The following ZNF804B variants were observed in gnomAD, a reference collection of about 807,000 sequenced individuals.
ZNF804B encodes zinc finger protein 804B.
In ZNF804B, 80 loss-of-function variants were observed where a neutral mutation model predicts 101.4. That is an observed-to-expected ratio of 0.79 (90% confidence interval 0.66 to 0.95). ZNF804B has a LOEUF of 0.95. ZNF804B is among the 40% of genes least tolerant of loss of function. The pLI, the probability that ZNF804B is intolerant of heterozygous loss-of-function variation, is 0.00. For missense variants in ZNF804B, 1,673 were observed against 1,561.9 expected (o/e 1.07, Z -1.20); for synonymous variants, 622 against 558.8 (o/e 1.11, Z -1.59).
intron 1 of ZNF804B, among the ~76,000 whole-genome samples, chr7:89,193,376 C>T (rs1584044070): frequency 1.3e-5 from 2 of 150,748 alleles, no homozygotes; most frequent in Non-Finnish European, 3.0e-5. Flanking sequence ...GTTAGTTACA[C>T]ATGTATACAT....
At chr7:89,276,910 A>G (rs1789989588) in intron 2 of ZNF804B, among the ~76,000 whole-genome samples, 3 of 151,620 alleles carry the variant, frequency 2.0e-5, no homozygotes, top group Admixed American at 2.0e-4. Context: ...AGTGTTCACA[A>G]GTTGTTTTTT....
At chr7:88,920,629 G>C (rs898866406) in intron 1 of ZNF804B, among the ~76,000 whole-genome samples, 1 of 151,836 alleles carries the variant, frequency 6.6e-6, no homozygotes, top group Non-Finnish European at 1.5e-5. Context: ...CTTAGCAGAA[G>C]GGGTGTGGCA....
At chr7:89,202,710 C>T (rs1482623110) in intron 1 of ZNF804B, among the ~76,000 whole-genome samples, 1 of 152,034 alleles carries the variant, frequency 6.6e-6, no homozygotes, top group Non-Finnish European at 1.5e-5. Context: ...ATTGCTCTGC[C>T]ATTGGTCTCA....
At chr7:89,108,609 G>T (rs577768833) in intron 1 of ZNF804B, among the ~76,000 whole-genome samples, 5 of 152,084 alleles carry the variant, frequency 3.3e-5, no homozygotes, top group Non-Finnish European at 7.3e-5. Context: ...CACGTTTAAT[G>T]GTCTCTCTGA....
intron 1 of ZNF804B, among the ~76,000 whole-genome samples, chr7:88,991,129 A>C (rs1053914090): frequency 2.6e-5 from 4 of 152,166 alleles, no homozygotes; most frequent in Non-Finnish European, 5.9e-5. Flanking sequence ...TACTACTTTT[A>C]GGTACAGAGG....
intron 1 of ZNF804B, among the ~76,000 whole-genome samples, chr7:89,155,682 T>C (rs1248553185): frequency 6.6e-6 from 1 of 152,216 alleles, no homozygotes; most frequent in Non-Finnish European, 1.5e-5. Context: ...AGTTTGAACT[T>C]CAAGCACCCT....
chr7:89,156,111 C>CTCTTTCCT (rs978033334), intron 1 of ZNF804B, among the ~76,000 whole-genome samples: 6 of 128,324 alleles, frequency 4.7e-5, no homozygotes, highest in Non-Finnish European at 8.4e-5. Flanking sequence ...CTCTCTTTCT[C>CTCTTTCCT]TCTTTCCTTC....
intron 2 of ZNF804B, among the ~76,000 whole-genome samples, chr7:89,320,515 A>T (rs1040785117): frequency 2.6e-5 from 4 of 152,124 alleles, no homozygotes; most frequent in Non-Finnish European, 5.9e-5. Flanking sequence ...GTAATGGAGC[A>T]CTTGTGATAT....
chr7:89,255,174 G>A (rs572357500), intron 2 of ZNF804B, among the ~76,000 whole-genome samples: 2 of 152,126 alleles, frequency 1.3e-5, no homozygotes, highest in Non-Finnish European at 2.9e-5. Flanking sequence ...TGGCAGAACA[G>A]AGTGAGTGCA....
intron 2 of ZNF804B, among the ~76,000 whole-genome samples, chr7:89,262,304 A>G (rs1160395559): frequency 6.6e-6 from 1 of 152,082 alleles, no homozygotes; most frequent in Non-Finnish European, 1.5e-5. Flanking sequence ...CATTTATTCA[A>G]TTTCAATTAT....
rs540462698 is a variant in ZNF804B, at chr7:88,943,386, A to G, written c.108+183302A>G. Among the ~76,000 whole-genome samples the G allele has an allele frequency of 2.4e-4, 36 of 151,990 alleles. No individual in the cohort carries two copies. In the South Asian group the frequency reaches 5.0e-3, roughly 21 times the overall value. ...CACCACAATATCCTTTCCATATGAT[A>G]GATTCTATTTGGACTTTTCTGTTAG... On this transcript the variant is annotated intron_variant, in intron 1 of 3. Coordinates refer to ENST00000333190, the MANE Select transcript of ZNF804B (RefSeq NM_181646.5).
chr7:89,275,383 A>G (rs1449688693), intron 2 of ZNF804B, among the ~76,000 whole-genome samples: 2 of 151,922 alleles, frequency 1.3e-5, no homozygotes, highest in Non-Finnish European at 2.9e-5. Context: ...AGAGTAGTCA[A>G]CTTATTCTTA....
intron 1 of ZNF804B, among the ~76,000 whole-genome samples, chr7:89,111,712 T>G (rs927842583): frequency 6.6e-6 from 1 of 152,234 alleles, no homozygotes; most frequent in Non-Finnish European, 1.5e-5. Flanking sequence ...GTTTTTCATT[T>G]TAATAAAAAT....
intron 1 of ZNF804B, among the ~76,000 whole-genome samples, chr7:88,962,816 C>T (rs1483693437): frequency 1.4e-5 from 2 of 146,838 alleles, no homozygotes; most frequent in African/African-American, 5.0e-5. Context: ...GCATTTCATT[C>T]AAACATTAGC....
chr7:88,885,875 A>G (rs989461848), intron 1 of ZNF804B, among the ~76,000 whole-genome samples: 1 of 152,058 alleles, frequency 6.6e-6, no homozygotes, highest in Non-Finnish European at 1.5e-5. Flanking sequence ...TAGTTATATT[A>G]GCACTCAGAT....
intron 1 of ZNF804B, among the ~76,000 whole-genome samples, chr7:88,901,183 A>T (rs1466820306): frequency 1.3e-5 from 2 of 151,862 alleles, no homozygotes; most frequent in South Asian, 4.1e-4. Flanking sequence ...ATAACTTAAC[A>T]GTTTTCCCTT....
At chr7:89,117,607 T>A (rs1436523792) in intron 1 of ZNF804B, among the ~76,000 whole-genome samples, 3 of 152,128 alleles carry the variant, frequency 2.0e-5, no homozygotes, top group African/African-American at 4.8e-5. Context: ...TGGGGAGAAA[T>A]CTCAAACGGT....
In ZNF804B at chr7:89,249,042, AAAAG is replaced by A. The variant is rs769897667; in HGVS notation, c.249+30748_249+30751del. On this transcript the variant is annotated intron_variant, in intron 2 of 3. Transcript: ENST00000333190. ...AACCAATAACAGTAAAAAAAAAAAA[AAAAG>A]GACAAAGAAGGGCATTACATAATAA... Among the ~76,000 whole-genome samples the A allele has an allele frequency of 4.6e-3, 706 of 152,098 alleles. 6 individuals are homozygous for A. Among genetic ancestry groups the A allele is most frequent in the African/African-American group, 0.016 (669 of 41,494 alleles).
chr7:89,336,172 CA>C lies in ZNF804B; in HGVS notation c.3193del (p.Ser1065AlafsTer21). ...PLISEIQPFIQSCDPVPNEFP... is the reference protein window; with the variant it reads ...PLISEIQPFIXSCDPVPNEFP... ...AATTAGTGAAATCCAACCTTTTATT[CA>C]AAGCTGTGACCCAGTACCAAATGAA... On this transcript the variant is annotated frameshift_variant, in exon 4 of 4. Transcript: ENST00000333190. LOFTEE classifies it high-confidence loss of function. 1 of 1,613,874 alleles carries C rather than the reference CA, an allele frequency of 6.2e-7. No homozygotes were observed. Among genetic ancestry groups the C allele is most frequent in the Non-Finnish European group, 8.5e-7 (1 of 1,179,988 alleles).
Sources: gnomAD v4.1 joint callset for allele counts (sites outside exome capture counted in the v4.1 genomes callset) on GRCh38, gnomAD v4.1.1 for gene constraint, MANE v1.5 for transcripts, NCBI Gene and HGNC (gene_info 2026-07-23, HGNC 2026-07-21) for gene names.